LSM1: variants seen among roughly 807,000 people sequenced by gnomAD.
LSM1 encodes the protein LSM1 homolog, mRNA degradation associated.
Under a neutral mutation model 18.0 loss-of-function variants are expected in LSM1, and 13 were observed. The observed-to-expected ratio is 0.72, with a 90% CI of 0.47 to 1.15. LSM1 has a LOEUF of 1.15. Among genes scored for constraint, LSM1 ranks in the 50% most tolerant of loss-of-function variants. LSM1 has a pLI of 0.00. For missense variants in LSM1, 152 were observed against 157.7 expected, an observed-to-expected ratio of 0.96 and a Z score of 0.19; for synonymous variants, 46 against 56.0, an observed-to-expected ratio of 0.82 and a Z score of 0.80.
chr8:38,175,065 C>T (rs13273494), intron 1 of LSM1, among the ~76,000 whole-genome samples: 2,299 of 143,858 alleles, frequency 0.016, 32 homozygotes, highest in Non-Finnish European at 0.023. Context: ...GAAAAAAGAT[C>T]TGTCAACCAT....
chr8:38,165,045 C>A (rs1474540189), intron 3 of LSM1, among the ~76,000 whole-genome samples: 3 of 152,050 alleles, frequency 2.0e-5, no homozygotes, highest in African/African-American at 7.2e-5. Flanking sequence ...TTTTTCTCCA[C>A]TATTTAAAAA....
upstream of LSM1, chr8:38,176,694 G>A (rs945880691): frequency 3.2e-5 from 25 of 789,712 alleles, no homozygotes; most frequent in Non-Finnish European, 3.7e-5. Context: ...CAGAGTCACT[G>A]ACCTCCGTCC....
At chr8:38,168,529 T>C (rs1802975135) in intron 3 of LSM1, among the ~76,000 whole-genome samples, 1 of 148,714 alleles carries the variant, frequency 6.7e-6, no homozygotes, top group Non-Finnish European at 1.5e-5. Flanking sequence ...AGGCGGAAGT[T>C]GCAGTGAGCT....
intron 1 of LSM1, among the ~76,000 whole-genome samples, chr8:38,174,640 G>A (rs59911155): frequency 0.24 from 36,062 of 152,018 alleles, 4,464 homozygotes; most frequent in East Asian, 0.31. Context: ...CCTGTTACAC[G>A]TAACAGGTTC....
At chr8:38,165,009 G>T (rs929426767) in intron 3 of LSM1, among the ~76,000 whole-genome samples, 1 of 152,038 alleles carries the variant, frequency 6.6e-6, no homozygotes, top group Non-Finnish European at 1.5e-5. Context: ...GACCATTTAG[G>T]TTACTAAACC....
chr8:38,176,451 C>G lies in LSM1; in HGVS notation c.-131G>C, dbSNP rs764393660. The stretch of plus-strand genomic sequence containing the variant: ...CCCGACCGAGACCAGCACTTCTGCC[C>G]CGGCTTTCAGCCGCCGGGGGCTGCC... On this transcript the variant is annotated 5_prime_UTR_variant, in exon 1 of 4. Coordinates refer to ENST00000311351, the MANE Select transcript of LSM1 (RefSeq NM_014462.3). 111 of 724,262 alleles carry G rather than the reference C, an allele frequency of 1.5e-4. No homozygotes were observed. The highest frequency in any genetic ancestry group is 3.8e-4 in the South Asian group (22 of 57,522). 44.9% of individuals were successfully genotyped at this position (724,262 alleles called of 1,614,324 possible). A position where few individuals can be genotyped will look rare whatever the true frequency, so the allele number is the denominator to read the frequency against.
chr8:38,168,859 A>G (rs961552033), intron 3 of LSM1, among the ~76,000 whole-genome samples: 2 of 152,042 alleles, frequency 1.3e-5, no homozygotes, highest in Non-Finnish European at 2.9e-5. Context: ...GCTATTTCCA[A>G]TATGAGGTCT....
At chr8:38,175,327 C>G (rs1803111110) in intron 1 of LSM1, among the ~76,000 whole-genome samples, 1 of 152,068 alleles carries the variant, frequency 6.6e-6, no homozygotes, top group Non-Finnish European at 1.5e-5. Context: ...CTCGGCCCCC[C>G]AAAGTGCTGG....
At chr8:38,176,667 C>A, upstream of LSM1, 1 of 611,836 alleles carries the variant, frequency 1.6e-6, no homozygotes, top group South Asian at 2.6e-5. Context: ...TCCTTCGTCT[C>A]CGGGTTCCCG....
chr8:38,164,692 G>A (rs1340549710), intron 3 of LSM1, among the ~76,000 whole-genome samples: 1 of 140,642 alleles, frequency 7.1e-6, no homozygotes, highest in African/African-American at 2.8e-5. Flanking sequence ...AAGCTGGTGT[G>A]GTGGTGTTCA....
intron 3 of LSM1, chr8:38,165,914 ATAC>A (rs1161561357): frequency 6.6e-6 from 1 of 152,086 alleles, no homozygotes; most frequent in Non-Finnish European, 1.5e-5. Flanking sequence ...CACAATGCAA[ATAC>A]TGACTTTAAT....
At chr8:38,176,184 G>C in intron 1 of LSM1, 91 bp downstream of exon 1, 1 of 1,095,378 alleles carries the variant, frequency 9.1e-7, no homozygotes, top group Non-Finnish European at 1.4e-6. Flanking sequence ...GCCCCGCCCG[G>C]GACTCATTCT....
chr8:38,175,387 C>T (rs1803113438), intron 1 of LSM1, among the ~76,000 whole-genome samples: 2 of 152,124 alleles, frequency 1.3e-5, no homozygotes, highest in African/African-American at 4.8e-5. Context: ...AAATTTTAAC[C>T]ATAGATTCTA....
At chr8:38,171,932 G>C in intron 2 of LSM1, 33 bp downstream of exon 2, 2 of 1,449,020 alleles carry the variant, frequency 1.4e-6, no homozygotes, top group Non-Finnish European at 1.9e-6. Flanking sequence ...TTATTATCCA[G>C]AGTATAAGAG....
chr8:38,164,321 G>C (rs1275070835), intron 3 of LSM1, among the ~76,000 whole-genome samples: 3 of 151,952 alleles, frequency 2.0e-5, no homozygotes, highest in Non-Finnish European at 2.9e-5. Flanking sequence ...CAAAGTGCTG[G>C]GATTATAGGC....
rs745440412 is a variant in LSM1, at chr8:38,163,673, GTAC to G, written c.396_398del (p.Glu132_Tyr133delinsAsp). 1.9e-6 allele frequency: 3 copies of G among 1,614,060 alleles called. No homozygotes were observed. The highest frequency in any genetic ancestry group is 2.5e-6 in the Non-Finnish European group (3 of 1,179,988). On this transcript the variant is annotated inframe_deletion, in exon 4 of 4. Coordinates refer to ENST00000311351, the MANE Select transcript of LSM1 (RefSeq NM_014462.3). ...CCAACAGCCTCTGGGCAAAAGATTA[GTAC>G]TCATCAAGAGTATCTGCTCGAGGAA...
chr8:38,166,441 G>T (rs550212273), intron 3 of LSM1, among the ~76,000 whole-genome samples: 14 of 152,304 alleles, frequency 9.2e-5, no homozygotes, highest in Non-Finnish European at 1.9e-4. Flanking sequence ...TAATGCAGAA[G>T]AACCTTGCTA....
chr8:38,168,700 A>AATTTTTATAAGTATTACTTATAAAT (rs931140351), intron 3 of LSM1, among the ~76,000 whole-genome samples: 10 of 151,904 alleles, frequency 6.6e-5, no homozygotes, highest in African/African-American at 2.4e-4. Flanking sequence ...TTATAAGAAA[A>AATTTTTATAAGTATTACTTATAAAT]ATTTTTATAA....
intron 3 of LSM1, among the ~76,000 whole-genome samples, chr8:38,168,610 A>C (rs1273633247): frequency 2.9e-4 from 44 of 150,006 alleles, no homozygotes; most frequent in Non-Finnish European, 5.8e-4. Context: ...AAAAAAACCC[A>C]AAAAACAAAA....
Sources: gnomAD v4.1 joint callset for allele counts (sites outside exome capture counted in the v4.1 genomes callset) on GRCh38, gnomAD v4.1.1 for gene constraint, MANE v1.5 for transcripts, NCBI Gene and HGNC (gene_info 2026-07-23, HGNC 2026-07-21) for gene names.